Variants in NIN observed in about 807,000 individuals in gnomAD.
NIN encodes the protein glycogen synthase kinase 3 beta-interacting protein.
A neutral mutation model predicts 257.6 loss-of-function variants in NIN; 137 were observed. The ratio of observed to expected loss-of-function variants is 0.53; its 90% CI spans 0.46 to 0.61. The LOEUF is 0.61. Ranked by LOEUF, NIN falls within the 20% of genes least tolerant of loss-of-function variation. The pLI, the probability that NIN is intolerant of heterozygous loss-of-function variation, is 0.00. For missense variants in NIN, 2,439 were observed against 2,501.2 expected, an observed-to-expected ratio of 0.98 and a Z score of 0.53; for synonymous variants, 918 against 919.8, an observed-to-expected ratio of 1.00 and a Z score of 0.04.
At chr14:50,789,573 GAAAAC>G (rs555442791) in intron 5 of NIN, among the ~76,000 whole-genome samples, 2 of 152,014 alleles carry the variant, frequency 1.3e-5, no homozygotes, top group Admixed American at 6.6e-5. Context: ...TCCATCTCAA[GAAAAC>G]AAAACAAAAC....
rs752485290 is a variant in NIN at position 50,792,704 on chromosome 14, T to C, written c.435+8A>G. 6.2e-6 allele frequency: 10 copies of C among 1,613,996 alleles called. No individual in the cohort carries two copies. Among genetic ancestry groups the C allele is most frequent in the African/African-American group, 5.3e-5 (4 of 74,916 alleles). On this transcript the variant is annotated splice_region_variant and intron_variant, in intron 5 of 30. Coordinates refer to ENST00000530997, the MANE Select transcript of NIN (RefSeq NM_020921.4). ...GATCCAGATGAACGTGCATGCCCGATTCCTTACCTCACTGCAGTCACCGGC... is the reference window on the plus strand; with the variant it reads ...GATCCAGATGAACGTGCATGCCCGACTCCTTACCTCACTGCAGTCACCGGC...
intron 3 of NIN, among the ~76,000 whole-genome samples, chr14:50,810,066 C>T (rs1288211570): frequency 1.3e-5 from 2 of 151,932 alleles, no homozygotes; most frequent in Non-Finnish European, 2.9e-5. Context: ...CCCATCTCTA[C>T]TAAAAACACA....
chr14:50,757,035 A>G lies in NIN; in HGVS notation c.3995T>C (p.Ile1332Thr), dbSNP rs1306519380. 6.2e-7 allele frequency: 1 copy of G among 1,613,392 alleles called. No homozygotes were observed. Among genetic ancestry groups the G allele is most frequent in the Non-Finnish European group, 8.5e-7 (1 of 1,179,800 alleles). ...GACCACGCTTTCCTGAAGCTTCTCA[A>G]TCTTGCCTTGAAGTCTCAAAACCAG... is the stretch of plus-strand genomic sequence containing the variant. ...NVLVLRLQGK[I>T]EKLQESVVQR... The change falls in exon 18 of 31, where the codon ATT becomes ACT. Residue 1332 changes from isoleucine (I) to threonine (T), a missense_variant. Coordinates refer to ENST00000530997, the MANE Select transcript of NIN (RefSeq NM_020921.4).
At position 50,744,313 on chromosome 14, in the gene NIN, A is replaced by G. The variant is rs1169994734; in HGVS notation, c.5117T>C (p.Leu1706Pro). ...TTTCAGCAGTTTTTCGTTGTAGCTT[A>G]GAACACTAGAGATTTTTTGCTGGAA... ...SDFQQKISSV[L>P]SYNEKLLKEK... The change falls in exon 23 of 31, where the codon CTA becomes CCA. Residue 1706 changes from leucine to proline, a missense_variant. Physicochemically the swap from Leu to Pro is moderately conservative, Grantham distance 98. Around this residue, in one of 3 missense-constraint regions of NIN, gnomAD observed 2,043 missense variants for 2,050.2 expected, o/e 1.00. Coordinates refer to ENST00000530997, the MANE Select transcript of NIN (RefSeq NM_020921.4). 1 of 1,614,126 alleles carries G rather than the reference A, an allele frequency of 6.2e-7. No homozygotes were observed. The highest frequency in any genetic ancestry group is 2.2e-5 in the East Asian group (1 of 44,876).
At chr14:50,828,039 A>C (rs933495171) in intron 2 of NIN, among the ~76,000 whole-genome samples, 1 of 151,968 alleles carries the variant, frequency 6.6e-6, no homozygotes, top group Admixed American at 6.5e-5. Flanking sequence ...ATGTGCATTC[A>C]GTAACCTGTA....
At chr14:50,768,954 T>C (rs1464264873) in intron 12 of NIN, among the ~76,000 whole-genome samples, 1 of 152,126 alleles carries the variant, frequency 6.6e-6, no homozygotes, top group Non-Finnish European at 1.5e-5. Flanking sequence ...TGAGTAATCA[T>C]GAGGGAAGAT....
chr14:50,778,993 C>T (rs1198429670), intron 5 of NIN, among the ~76,000 whole-genome samples, 189 bp from the exon 6 acceptor site: 1 of 152,196 alleles, frequency 6.6e-6, no homozygotes, highest in Admixed American at 6.5e-5. Context: ...GGACGAGACT[C>T]CTAAGAAACA....
At chr14:50,828,522 A>T (rs1466175289) in intron 2 of NIN, among the ~76,000 whole-genome samples, 1 of 152,252 alleles carries the variant, frequency 6.6e-6, no homozygotes, top group Non-Finnish European at 1.5e-5. Flanking sequence ...GCTAGAATTC[A>T]AACCAGATAA....
chr14:50,767,096 G>C (rs913405622), intron 12 of NIN, among the ~76,000 whole-genome samples: 1 of 152,118 alleles, frequency 6.6e-6, no homozygotes, highest in Non-Finnish European at 1.5e-5. Context: ...TTTTGTTTTT[G>C]ACCACGTAGA....
At chr14:50,801,153 C>T (rs1404801281) in intron 4 of NIN, among the ~76,000 whole-genome samples, 1 of 140,194 alleles carries the variant, frequency 7.1e-6, no homozygotes, top group Non-Finnish European at 1.5e-5. Context: ...TGCAGTGGTG[C>T]GATCTCAGCT....
intron 4 of NIN, chr14:50,794,437 T>C (rs781525630): frequency 2.0e-5 from 20 of 979,924 alleles, no homozygotes; most frequent in African/African-American, 1.7e-4. Context: ...TGAAGGTACC[T>C]TTTATCAGAA....
intron 12 of NIN, among the ~76,000 whole-genome samples, chr14:50,769,611 C>CT (rs2042643236): frequency 6.6e-6 from 1 of 152,166 alleles, no homozygotes; most frequent in Non-Finnish European, 1.5e-5. Flanking sequence ...AGCAATTCTC[C>CT]TGCCTCAGCC....
chr14:50,773,083 C>T lies in NIN; in HGVS notation c.679G>A (p.Val227Ile), dbSNP rs2042794075. ...CCGTCAGGATCAAGATTATGGAATACTTCCTCGAGCATCTAGAAAAGAGTC... is the reference window on the plus strand; with the variant it reads ...CCGTCAGGATCAAGATTATGGAATATTTCCTCGAGCATCTAGAAAAGAGTC... The part of the protein sequence containing the change: ...QNVDGEMLEE[V>I]FHNLDPDGTM... The change falls in exon 8 of 31, where the codon GTA becomes ATA. Residue 227 changes from valine to isoleucine, a missense_variant. Val to Ile is a conservative substitution (Grantham distance 29, BLOSUM62 3). Transcript: ENST00000530997. The T allele has an allele frequency of 1.9e-6, 3 of 1,610,544 alleles. No homozygotes were observed. The highest frequency in any genetic ancestry group is 2.2e-5 in the South Asian group (2 of 90,254).
Position 50,723,277 on chromosome 14 carries a change from G to A in NIN, c.*186C>T, listed in dbSNP as rs2040304840. 4.3e-6 allele frequency: 2 copies of A among 467,518 alleles called. No homozygotes were observed. The highest frequency in any genetic ancestry group is 7.5e-6 in the Non-Finnish European group (2 of 267,058). The allele number at this position is 467,518 out of a possible 1,614,324, so 29.0% of individuals were successfully genotyped here. The stretch of plus-strand genomic sequence containing the variant: ...AAATCTTGGGAATAATTTAAGTAGT[G>A]AAATATGTGAGTATTTATTTTCAAA... On this transcript the variant is annotated 3_prime_UTR_variant, in exon 31 of 31. Transcript: ENST00000530997.
At chr14:50,769,885 G>T (rs959151548) in intron 12 of NIN, among the ~76,000 whole-genome samples, 2 of 151,538 alleles carry the variant, frequency 1.3e-5, no homozygotes, top group African/African-American at 2.4e-5. Context: ...TGAGGCTGTG[G>T]TAAGTTATAA....
intron 4 of NIN, among the ~76,000 whole-genome samples, chr14:50,800,822 G>A (rs1378434060): frequency 6.7e-6 from 1 of 149,274 alleles, no homozygotes; most frequent in East Asian, 2.0e-4. Flanking sequence ...CGCTCTGGTT[G>A]CCCAAGCTGG....
intron 3 of NIN, among the ~76,000 whole-genome samples, chr14:50,808,237 CT>C: frequency 6.6e-6 from 1 of 152,246 alleles, no homozygotes; most frequent in South Asian, 2.1e-4. Context: ...GCCAAACATC[CT>C]GGGGGAGGGA....
chr14:50,774,605 G>A lies in NIN; in HGVS notation c.667-1510C>T, dbSNP rs75425082. 4.2e-3 allele frequency among the ~76,000 whole-genome samples: 644 copies of A among 152,260 alleles called. 3 individuals are homozygous for A. Among genetic ancestry groups the A allele is most frequent in the Middle Eastern group, 0.017 (5 of 294 alleles). ...TATCAACCAAAATAATATTTTCCTG[G>A]AGGACAAGGCTTTCAGGACCTTTGT... On this transcript the variant is annotated intron_variant, in intron 7 of 30. Transcript: ENST00000530997.
intron 2 of NIN, among the ~76,000 whole-genome samples, chr14:50,823,786 C>G (rs551318121): frequency 6.6e-6 from 1 of 152,346 alleles, no homozygotes; most frequent in East Asian, 1.9e-4. Context: ...CAGGCTCTGG[C>G]TGTCTTCCCA....
Sources: allele counts gnomAD v4.1 joint callset (sites outside exome capture counted in the v4.1 genomes callset), GRCh38; gene constraint gnomAD v4.1.1; regional missense constraint gnomAD v4.1.1; transcripts MANE v1.5; gene names NCBI Gene and HGNC (gene_info 2026-07-23, HGNC 2026-07-21).